Variants in KIAA0040 observed in about 807,000 individuals in gnomAD.
KIAA0040 encodes the protein KIAA0040.
KIAA0040 carries 10 observed loss-of-function variants against 7.2 expected under a neutral mutation model. That is an observed-to-expected ratio of 1.38 (90% confidence interval 0.85 to 2.34). The LOEUF (loss-of-function observed/expected upper bound fraction) is 2.34. Ranked by LOEUF, KIAA0040 falls within the 30% of genes most tolerant of loss-of-function variation. The pLI is 0.00. For synonymous variants in KIAA0040, 49 were observed against 40.1 expected (o/e 1.22, Z -0.84); for missense variants, 89 against 108.2 (o/e 0.82, Z 0.79).
intron 2 of KIAA0040, among the ~76,000 whole-genome samples, chr1:175,173,819 A>G (rs1677078684): frequency 6.6e-6 from 1 of 152,234 alleles, no homozygotes; most frequent in Non-Finnish European, 1.5e-5. Flanking sequence ...AACTCCATAT[A>G]TGCTGGGGCC....
intron 2 of KIAA0040, among the ~76,000 whole-genome samples, chr1:175,170,532 AC>A (rs964494114): frequency 6.6e-5 from 10 of 151,972 alleles, no homozygotes; most frequent in African/African-American, 2.2e-4. Context: ...CACCACCCCC[AC>A]CGCCCTAGCT....
chr1:175,160,691 A>C lies in KIAA0040; in HGVS notation c.*23T>G. The C allele has an allele frequency of 6.5e-7, 1 of 1,527,020 alleles. No individual in the cohort carries two copies. Among genetic ancestry groups the C allele is most frequent in the Admixed American group, 2.1e-5 (1 of 47,112 alleles). The allele number at this position is 1,527,020 out of a possible 1,614,324, so 94.6% of individuals were successfully genotyped here. ...AGAAGGAGGCTTAGCCCCAGAAAGG[A>C]AACACCTCTGCTTCCTGCCTAACTA... On this transcript the variant is annotated 3_prime_UTR_variant, in exon 4 of 4. Transcript: ENST00000423313.
chr1:175,183,262 C>A (rs114563308), intron 1 of KIAA0040, among the ~76,000 whole-genome samples: 9 of 152,262 alleles, frequency 5.9e-5, no homozygotes, highest in Non-Finnish European at 1.3e-4. Flanking sequence ...CTGGGTATCC[C>A]CAGGGTCTGG....
chr1:175,172,236 C>T (rs1677021697), intron 2 of KIAA0040, among the ~76,000 whole-genome samples: 1 of 152,154 alleles, frequency 6.6e-6, no homozygotes, highest in Non-Finnish European at 1.5e-5. Context: ...CCTGAAAATT[C>T]CAGCTGTACT....
In KIAA0040 at chr1:175,189,964, C is replaced by T. The variant is rs554389366; in HGVS notation, c.-384+2676G>A. 2.6e-5 allele frequency among the ~76,000 whole-genome samples: 4 copies of T among 152,242 alleles called. No individual in the cohort carries two copies. In the South Asian group the frequency reaches 6.2e-4, roughly 24 times the overall value. Reference sequence around the variant, plus strand: ...ATGCAGGTCACACAAGATCCTGAGCCGAGCACTGGCAGCCAGACCTAAATA... The same window carrying T: ...ATGCAGGTCACACAAGATCCTGAGCTGAGCACTGGCAGCCAGACCTAAATA... On this transcript the variant is annotated intron_variant, in intron 1 of 3. Coordinates refer to ENST00000423313, the MANE Select transcript of KIAA0040 (RefSeq NM_014656.3).
intron 2 of KIAA0040, among the ~76,000 whole-genome samples, chr1:175,176,037 T>A (rs1032483441): frequency 2.6e-5 from 4 of 152,050 alleles, no homozygotes; most frequent in Non-Finnish European, 5.9e-5. Flanking sequence ...AAAATAAAAA[T>A]AAAAAAATAA....
intron 1 of KIAA0040, among the ~76,000 whole-genome samples, chr1:175,191,671 A>T (rs2101918345): frequency 6.6e-6 from 1 of 152,334 alleles, no homozygotes; most frequent in East Asian, 1.9e-4. Context: ...GCTCTTTGTA[A>T]CTCAAGGCTC....
At chr1:175,169,343 C>G (rs986108514) in intron 2 of KIAA0040, among the ~76,000 whole-genome samples, 2 of 152,182 alleles carry the variant, frequency 1.3e-5, no homozygotes, top group Non-Finnish European at 2.9e-5. Flanking sequence ...TTCTGGCTCT[C>G]CCACTCACTA....
chr1:175,165,185 C>T (rs550279963), intron 3 of KIAA0040, among the ~76,000 whole-genome samples: 132 of 152,274 alleles, frequency 8.7e-4, no homozygotes, highest in Admixed American at 1.4e-3. Context: ...CTTCTATCCA[C>T]CCATGTATGA....
At chr1:175,162,362 A>C (rs1403330016) in intron 3 of KIAA0040, among the ~76,000 whole-genome samples, 1 of 152,178 alleles carries the variant, frequency 6.6e-6, no homozygotes, top group Non-Finnish European at 1.5e-5. Flanking sequence ...CAGTGAGGTG[A>C]CATGTCTGAG....
At chr1:175,187,703 G>A (rs1445283406) in intron 1 of KIAA0040, among the ~76,000 whole-genome samples, 11 of 150,990 alleles carry the variant, frequency 7.3e-5, no homozygotes, top group East Asian at 3.9e-4. Flanking sequence ...CTGTTCCCAC[G>A]GCCTTTTTCC....
intron 2 of KIAA0040, among the ~76,000 whole-genome samples, chr1:175,168,175 C>T (rs1048793543): frequency 5.9e-5 from 9 of 152,194 alleles, no homozygotes; most frequent in Non-Finnish European, 1.3e-4. Flanking sequence ...TGATGGTTCT[C>T]ACCTTGCTAA....
intron 1 of KIAA0040, among the ~76,000 whole-genome samples, chr1:175,184,708 T>C (rs1677586777): frequency 6.6e-6 from 1 of 152,128 alleles, no homozygotes; most frequent in Admixed American, 6.5e-5. Context: ...AAAGAGTGCC[T>C]GGGGAGGGTC....
chr1:175,160,837 G>T lies in KIAA0040; in HGVS notation c.177C>A (p.Gly59=). Residue 59 remains glycine (G), a synonymous_variant, in exon 4 of 4, where the codon GGC becomes GGA. Transcript: ENST00000423313. The stretch of plus-strand genomic sequence containing the variant: ...TCTTCTTGTTCTTCTCTGGCTGCTG[G>T]CCCCTCTTGCCTGGTGGGCTCCAGC... The part of the protein sequence containing the change: ...HCCWSPPGKR[G]QQPEKNKKKK... 1 of 1,550,988 alleles carries T rather than the reference G, an allele frequency of 6.4e-7. No homozygotes were observed. The highest frequency in any genetic ancestry group is 8.7e-7 in the Non-Finnish European group (1 of 1,146,946).
intron 2 of KIAA0040, among the ~76,000 whole-genome samples, chr1:175,175,874 C>T (rs1264514213): frequency 6.8e-6 from 1 of 148,118 alleles, no homozygotes; most frequent in African/African-American, 2.5e-5. Flanking sequence ...TGGGGCCCAT[C>T]GTGGGGTCAG....
chr1:175,160,592 T>G lies in KIAA0040; in HGVS notation c.*122A>C. 1 of 979,964 alleles carries G rather than the reference T, an allele frequency of 1.0e-6. No homozygotes were observed. The highest frequency in any genetic ancestry group is 1.5e-6 in the Non-Finnish European group (1 of 683,050). 60.7% of individuals were successfully genotyped at this position (979,964 alleles called of 1,614,324 possible). On this transcript the variant is annotated 3_prime_UTR_variant, in exon 4 of 4. Coordinates refer to ENST00000423313, the MANE Select transcript of KIAA0040 (RefSeq NM_014656.3). ...GACACTTAGTCTGAGGTTTGTTCCT[T>G]GGTTGAGTAGTTACTCTGTGGACAT...
intron 3 of KIAA0040, among the ~76,000 whole-genome samples, chr1:175,165,378 A>C (rs1676717821): frequency 6.6e-6 from 1 of 152,224 alleles, no homozygotes; most frequent in Admixed American, 6.5e-5. Context: ...GTAACTGTAA[A>C]ATACTTACAC....
chr1:175,183,819 G>A (rs1677541834), intron 1 of KIAA0040, among the ~76,000 whole-genome samples: 1 of 152,218 alleles, frequency 6.6e-6, no homozygotes, highest in Non-Finnish European at 1.5e-5. Flanking sequence ...GCAGCTAGGT[G>A]CTTGCAGGCT....
chr1:175,159,310 T>C lies in KIAA0040; in HGVS notation c.*1404A>G, dbSNP rs1318894494. The stretch of plus-strand genomic sequence containing the variant: ...ATGTCCTCACATACCTCAAGGCACA[T>C]GTGTCACCTACATGTGCTCTCCAGC... On this transcript the variant is annotated 3_prime_UTR_variant, in exon 4 of 4. Transcript: ENST00000423313. 1 of 152,244 alleles carries C rather than the reference T, an allele frequency of 6.6e-6. No individual in the cohort carries two copies. Among genetic ancestry groups the C allele is most frequent in the African/African-American group, 2.4e-5 (1 of 41,450 alleles). The allele number at this position is 152,244 out of a possible 1,614,324, so 9.4% of individuals were successfully genotyped here. A position where few individuals can be genotyped will look rare whatever the true frequency, so the allele number is the denominator to read the frequency against.
Sources: gnomAD v4.1 joint callset for allele counts (sites outside exome capture counted in the v4.1 genomes callset) on GRCh38, gnomAD v4.1.1 for gene constraint, MANE v1.5 for transcripts, NCBI Gene and HGNC (gene_info 2026-07-23, HGNC 2026-07-21) for gene names.